Variants in PTDSS1 observed in about 807,000 individuals in gnomAD.
PTDSS1 encodes the protein PSS-1.
In PTDSS1, 45 loss-of-function variants were observed where a neutral mutation model predicts 70.5. That is an observed-to-expected ratio of 0.64 (90% confidence interval 0.50 to 0.82). The LOEUF is 0.82. Among genes scored for constraint, PTDSS1 ranks in the 40% least tolerant of loss-of-function variants. The probability of loss-of-function intolerance (pLI) is 0.00; values close to 1 mark genes in which losing one functional copy is unlikely to be tolerated. For missense variants in PTDSS1, 417 were observed against 586.1 expected (o/e 0.71, Z 2.98); for synonymous variants, 188 against 203.8 (o/e 0.92, Z 0.66).
chr8:96,330,953 C>G, intron 11 of PTDSS1, 73 bp from the exon 12 acceptor site: 1 of 1,322,682 alleles, frequency 7.6e-7, no homozygotes, highest in South Asian at 1.2e-5. Flanking sequence ...ATGCAGCATG[C>G]TCGCCTTTTT....
intron 2 of PTDSS1, among the ~76,000 whole-genome samples, chr8:96,274,258 CT>C (rs1469561768): frequency 6.6e-6 from 1 of 151,702 alleles, no homozygotes; most frequent in Non-Finnish European, 1.5e-5. Context: ...AGATGCATTT[CT>C]TTTGTAACCG....
intron 2 of PTDSS1, among the ~76,000 whole-genome samples, chr8:96,276,439 A>G (rs1810642192): frequency 6.6e-6 from 1 of 152,206 alleles, no homozygotes; most frequent in Non-Finnish European, 1.5e-5. Flanking sequence ...CTGGAAAGAT[A>G]AAACTGAAGC....
At chr8:96,281,437 T>A (rs1046786590) in intron 2 of PTDSS1, among the ~76,000 whole-genome samples, 1 of 152,130 alleles carries the variant, frequency 6.6e-6, no homozygotes, top group Non-Finnish European at 1.5e-5. Context: ...CAGGGCCTTA[T>A]CTCACCTTTT....
chr8:96,280,522 C>T (rs1032702409), intron 2 of PTDSS1, among the ~76,000 whole-genome samples: 2 of 151,830 alleles, frequency 1.3e-5, no homozygotes, highest in Admixed American at 6.6e-5. Context: ...GAGCTGAGAT[C>T]GCGCCAGTGC....
intron 1 of PTDSS1, among the ~76,000 whole-genome samples, chr8:96,264,389 GCTA>G (rs1810458058): frequency 6.6e-6 from 1 of 152,190 alleles, no homozygotes; most frequent in South Asian, 2.1e-4. Flanking sequence ...TTCATTGAAT[GCTA>G]CTGTCTTCTA....
chr8:96,325,210 A>T (rs973514833), intron 10 of PTDSS1, among the ~76,000 whole-genome samples: 4 of 152,228 alleles, frequency 2.6e-5, no homozygotes, highest in Non-Finnish European at 4.4e-5. Flanking sequence ...GCCCAAGGTC[A>T]CATAGGTAGT....
intron 9 of PTDSS1, among the ~76,000 whole-genome samples, chr8:96,310,529 G>T (rs1811195925): frequency 6.6e-6 from 1 of 151,028 alleles, no homozygotes; most frequent in African/African-American, 2.4e-5. Flanking sequence ...ACAACTCTGA[G>T]ACTTTGTTTT....
intron 7 of PTDSS1, among the ~76,000 whole-genome samples, chr8:96,305,883 G>A (rs1811115141): frequency 1.3e-5 from 2 of 152,136 alleles, no homozygotes; most frequent in Admixed American, 6.6e-5. Context: ...ATTTCACCAT[G>A]TTGGCCAGGC....
In PTDSS1 at chr8:96,318,273, G is replaced by A. The variant is rs987891250; in HGVS notation, c.1074-1973G>A. Among the ~76,000 whole-genome samples the A allele has an allele frequency of 2.2e-4, 33 of 151,884 alleles. No homozygotes were observed. In the East Asian group the frequency reaches 2.9e-3, roughly 13 times the overall value. ...CGGGAGGCGGAGGTTGCAGTGAGCC[G>A]CGATTGCACCACTGCACTCCAGCCT... On this transcript the variant is annotated intron_variant, in intron 9 of 12. Coordinates refer to ENST00000517309, the MANE Select transcript of PTDSS1 (RefSeq NM_014754.3).
chr8:96,289,979 G>A (rs1464108521), intron 4 of PTDSS1, among the ~76,000 whole-genome samples: 3 of 152,154 alleles, frequency 2.0e-5, no homozygotes, highest in African/African-American at 7.2e-5. Flanking sequence ...AATAAGGGCA[G>A]TTATTTATTA....
intron 2 of PTDSS1, among the ~76,000 whole-genome samples, chr8:96,281,043 C>T (rs541714034): frequency 6.6e-6 from 1 of 152,294 alleles, no homozygotes; most frequent in South Asian, 2.1e-4. Flanking sequence ...GGCTCCTCCT[C>T]AGTTGCATCC....
Position 96,309,308 on chromosome 8 carries a change from G to A in PTDSS1, c.1008-249G>A, listed in dbSNP as rs1811172380. ...CGATCAGTTAGTTGTAAACACCCCG[G>A]CACTCAGACCAGACAAGAATCTGGC... On this transcript the variant is annotated intron_variant, in intron 8 of 12. Transcript: ENST00000517309. 3 of 287,760 alleles carry A rather than the reference G, an allele frequency of 1.0e-5. No homozygotes were observed. The East Asian group carries it at 1.7e-4, about 16-fold the overall frequency. 17.8% of individuals were successfully genotyped at this position (287,760 alleles called of 1,614,324 possible).
intron 9 of PTDSS1, among the ~76,000 whole-genome samples, chr8:96,319,701 A>G (rs1437584134): frequency 1.3e-5 from 2 of 152,162 alleles, no homozygotes; most frequent in African/African-American, 4.8e-5. Context: ...TAGCCTCTTA[A>G]TCACAGTCTA....
intron 8 of PTDSS1, 44 bp from the exon 9 acceptor site, chr8:96,309,513 G>T: frequency 2.6e-6 from 4 of 1,563,766 alleles, no homozygotes; most frequent in Non-Finnish European, 3.5e-6. Flanking sequence ...CTGACTTGCT[G>T]GTCTTCCAGC....
At chr8:96,302,576 C>CTTG (rs10694580) in intron 6 of PTDSS1, among the ~76,000 whole-genome samples, 60,942 of 151,002 alleles carry the variant, frequency 0.4, 12,393 homozygotes, top group Non-Finnish European at 0.43. Context: ...GTCTGCTTTC[C>CTTG]TTGTTGTTGT....
chr8:96,262,182 T>C lies in PTDSS1; in HGVS notation c.142T>C (p.Phe48Leu). The change falls in exon 1 of 13, where the codon TTC becomes CTC. Residue 48 changes from phenylalanine to leucine, a missense_variant. Around this residue, in one of 3 missense-constraint regions of PTDSS1, gnomAD observed 272 missense variants for 429.5 expected, o/e 0.63. Transcript: ENST00000517309. The surrounding 1 kb of genome is among the most constrained non-coding windows in gnomAD (Gnocchi z 4.4). The stretch of plus-strand genomic sequence containing the variant: ...GCCGCATACCATCACCCTGCTCAGC[T>C]TCACCATCGTCAGCCTCATGTACTT... ...YRPHTITLLS[F>L]TIVSLMYFAF... is the part of the protein sequence containing the mutation. 1.9e-6 allele frequency: 3 copies of C among 1,613,762 alleles called. No homozygotes were observed. Among genetic ancestry groups the C allele is most frequent in the Non-Finnish European group, 2.5e-6 (3 of 1,179,736 alleles).
intron 8 of PTDSS1, among the ~76,000 whole-genome samples, chr8:96,307,011 G>A (rs553624158): frequency 1.7e-4 from 26 of 152,080 alleles, no homozygotes; most frequent in Non-Finnish European, 2.2e-4. Flanking sequence ...TTTTAAAAAG[G>A]CCCTTCCTGT....
intron 9 of PTDSS1, 111 bp from the exon 10 acceptor site, chr8:96,320,135 C>A: frequency 1.1e-6 from 1 of 903,264 alleles, no homozygotes; most frequent in Non-Finnish European, 1.8e-6. Flanking sequence ...GTGTTTGAGG[C>A]AGAAATCGCA....
At chr8:96,295,296 T>C (rs765118360) in intron 5 of PTDSS1, 40 bp downstream of exon 5, 2 of 1,578,964 alleles carry the variant, frequency 1.3e-6, no homozygotes, top group Non-Finnish European at 8.6e-7. Flanking sequence ...GACTGTGCCA[T>C]GTGTGTAGTT....
Sources: allele counts gnomAD v4.1 joint callset (sites outside exome capture counted in the v4.1 genomes callset), GRCh38; gene constraint gnomAD v4.1.1; regional missense constraint gnomAD v4.1.1; non-coding constraint Gnocchi (gnomAD v3.1); transcripts MANE v1.5; gene names NCBI Gene and HGNC (gene_info 2026-07-23, HGNC 2026-07-21).